The following SLC43A2 variants were observed in gnomAD, a reference collection of about 807,000 sequenced individuals.
The protein encoded by SLC43A2 is solute carrier family 43 member 2, also known as large neutral amino acids transporter small subunit 4.
In SLC43A2, 38 loss-of-function variants were observed where a neutral mutation model predicts 63.2. The ratio of observed to expected loss-of-function variants is 0.60; its 90% confidence interval spans 0.46 to 0.79. The LOEUF (loss-of-function observed/expected upper bound fraction) is 0.79. Among genes scored for constraint, SLC43A2 ranks in the 30% least tolerant of loss-of-function variants. The pLI is 0.00. For missense variants in SLC43A2, 644 were observed against 756.2 expected, an observed-to-expected ratio of 0.85 and a Z score of 1.74; for synonymous variants, 322 against 331.0, an observed-to-expected ratio of 0.97 and a Z score of 0.30.
rs1488346342 is a variant in SLC43A2 at position 1,618,992 on chromosome 17, A to C, written c.161-2223T>G. Among the ~76,000 whole-genome samples the C allele has an allele frequency of 2.7e-5, 4 of 147,442 alleles. No homozygotes were observed. The South Asian group carries it at 6.5e-4, about 24-fold the overall frequency. ...ATAGTTAGACTCTGTCTCAAAAAAAACAAAAAACAAACAAACAAACAAACA... is the reference window on the plus strand; with the variant it reads ...ATAGTTAGACTCTGTCTCAAAAAAACCAAAAAACAAACAAACAAACAAACA... On this transcript the variant is annotated intron_variant, in intron 2 of 13. Transcript: ENST00000301335.
At chr17:1,620,071 A>T (rs1333212230) in intron 2 of SLC43A2, among the ~76,000 whole-genome samples, 1 of 152,126 alleles carries the variant, frequency 6.6e-6, no homozygotes, top group African/African-American at 2.4e-5. Flanking sequence ...GAAGATAAAA[A>T]TCCCAAGGCT....
chr17:1,570,040 A>G lies in SLC43A2; in HGVS notation c.*5564T>C, dbSNP rs906809897. On this transcript the variant is annotated 3_prime_UTR_variant, in exon 14 of 14. Coordinates refer to ENST00000301335, the MANE Select transcript of SLC43A2 (RefSeq NM_152346.3). ...GTAGCTGGGACTACAGGTACCCACC[A>G]CCACGCCCAGCTAATTTTTTTTTTT... is the stretch of plus-strand genomic sequence containing the variant. 2.1e-5 allele frequency: 3 copies of G among 145,932 alleles called. No individual in the cohort carries two copies. Among genetic ancestry groups the G allele is most frequent in the African/African-American group, 7.7e-5 (3 of 39,012 alleles). The allele number at this position is 145,932 out of a possible 1,614,324, so 9.0% of individuals were successfully genotyped here. A position where few individuals can be genotyped will look rare whatever the true frequency, so the allele number is the denominator to read the frequency against.
At chr17:1,615,666 AC>A (rs1270147441) in intron 3 of SLC43A2, among the ~76,000 whole-genome samples, 4 of 148,698 alleles carry the variant, frequency 2.7e-5, no homozygotes, top group Non-Finnish European at 4.5e-5. Context: ...ACACAGTGAA[AC>A]CCCGTCTCTA....
chr17:1,614,257 A>C (rs981615996), intron 4 of SLC43A2, among the ~76,000 whole-genome samples: 4 of 151,880 alleles, frequency 2.6e-5, no homozygotes, highest in African/African-American at 7.3e-5. Flanking sequence ...ACAACAACAA[A>C]AAAATTAGCT....
rs1159291361 is a variant in SLC43A2, at chr17:1,570,230, A to G, written c.*5374T>C. 2.0e-5 allele frequency: 3 copies of G among 151,804 alleles called. No homozygotes were observed. The highest frequency in any genetic ancestry group is 1.3e-4 in the Admixed American group (2 of 15,238). 9.4% of individuals were successfully genotyped at this position (151,804 alleles called of 1,614,324 possible). A position where few individuals can be genotyped will look rare whatever the true frequency, so the allele number is the denominator to read the frequency against. The stretch of plus-strand genomic sequence containing the variant: ...TTTTTAGTAGAGTTGAGGTTTCACC[A>G]TGTTGGTCAGGCTGGTCTCAAACCC... On this transcript the variant is annotated 3_prime_UTR_variant, in exon 14 of 14. Coordinates refer to ENST00000301335, the MANE Select transcript of SLC43A2 (RefSeq NM_152346.3).
chr17:1,618,471 T>C (rs567657516), intron 2 of SLC43A2, among the ~76,000 whole-genome samples: 41 of 152,332 alleles, frequency 2.7e-4, no homozygotes, highest in African/African-American at 9.9e-4. Context: ...TTGCTGCTAT[T>C]GGAGGCTCCG....
chr17:1,615,991 C>T (rs1212942218), intron 3 of SLC43A2, among the ~76,000 whole-genome samples: 2 of 147,146 alleles, frequency 1.4e-5, no homozygotes, highest in African/African-American at 2.5e-5. Flanking sequence ...TGCCGTGAGC[C>T]GAGATCACGC....
chr17:1,627,888 GCGGCTCCGGCTC>G lies in SLC43A2; in HGVS notation c.-26_-15del, dbSNP rs751433439. On this transcript the variant is annotated 5_prime_UTR_variant, in exon 2 of 14. Transcript: ENST00000301335. ...GGTGGGCGCCATGGTGCGGCGCGGC[GCGGCTCCGGCTC>G]CGGCTCCGGCTCTGCACCACCTGCG... is the stretch of plus-strand genomic sequence containing the variant. 18 of 1,546,894 alleles carry G rather than the reference GCGGCTCCGGCTC, an allele frequency of 1.2e-5. No homozygotes were observed. Among genetic ancestry groups the G allele is most frequent in the Admixed American group, 9.9e-5 (5 of 50,606 alleles).
At chr17:1,613,347 G>A (rs1434302677) in intron 4 of SLC43A2, 76 bp from the exon 5 acceptor site, 1 of 1,345,974 alleles carries the variant, frequency 7.4e-7, no homozygotes, top group African/African-American at 1.4e-5. Context: ...CCAGAGTCCT[G>A]CGCGGTGCAG....
chr17:1,586,935 C>CCCCCCCCCCA, intron 9 of SLC43A2: 3 of 1,509,128 alleles, frequency 2.0e-6, no homozygotes, highest in Non-Finnish European at 2.7e-6. Context: ...CAATCCCCCC[C>CCCCCCCCCCA]ACCCCCCGCT....
intron 1 of SLC43A2, among the ~76,000 whole-genome samples, 182 bp downstream of exon 1, chr17:1,628,612 A>G (rs1436211226): frequency 6.6e-6 from 1 of 152,028 alleles, no homozygotes; most frequent in Non-Finnish European, 1.5e-5. Context: ...GCCCGTTTCC[A>G]TGGCCTCGGA....
At chr17:1,604,875 G>A (rs974909606) in intron 5 of SLC43A2, 39 of 1,535,248 alleles carry the variant, frequency 2.5e-5, no homozygotes, top group South Asian at 1.1e-4. Context: ...CGCTCACTCC[G>A]TCCCCAGCTT....
intron 5 of SLC43A2, among the ~76,000 whole-genome samples, chr17:1,594,802 A>C (rs983294091): frequency 4.0e-5 from 6 of 151,408 alleles, no homozygotes; most frequent in South Asian, 2.1e-4. Flanking sequence ...GTTAGCCAGG[A>C]TGGTCTGGAT....
Position 1,583,146 on chromosome 17 carries a change from T to C in SLC43A2, c.1350+58A>G, listed in dbSNP as rs1381454857. 17 of 1,572,778 alleles carry C rather than the reference T, an allele frequency of 1.1e-5. No individual in the cohort carries two copies. Among genetic ancestry groups the C allele is most frequent in the Non-Finnish European group, 6.1e-6 (7 of 1,145,616 alleles). On this transcript the variant is annotated intron_variant, in intron 11 of 13. Transcript: ENST00000301335. This position sits in a 1 kb window ranked among gnomAD's most constrained non-coding sequence, Gnocchi z 5.5. ...GAAACATTACACACTTTTGAGTCTT[T>C]ACATGTTCCTTCTGACTGCCCCACC...
chr17:1,619,352 A>G (rs1907951970), intron 2 of SLC43A2, among the ~76,000 whole-genome samples: 1 of 152,054 alleles, frequency 6.6e-6, no homozygotes, highest in African/African-American at 2.4e-5. Flanking sequence ...CCAGATCACA[A>G]TGGCCAAAAA....
In SLC43A2 at chr17:1,606,854, C is replaced by T. The variant is rs969425831; in HGVS notation, c.501+6341G>A. Reference sequence around the variant, plus strand: ...AGGGCCCTGGGAGAGCCAGCACTGGCTACTGGGCAGCCTACCTGACGCGAC... The same window carrying T: ...AGGGCCCTGGGAGAGCCAGCACTGGTTACTGGGCAGCCTACCTGACGCGAC... On this transcript the variant is annotated intron_variant, in intron 5 of 13. Transcript: ENST00000301335. This position sits in a 1 kb window ranked among gnomAD's most constrained non-coding sequence, Gnocchi z 4.7. Among the ~76,000 whole-genome samples, 3 of 152,368 alleles carry T rather than the reference C, an allele frequency of 2.0e-5. No homozygotes were observed. The highest frequency in any genetic ancestry group is 2.1e-4 in the South Asian group (1 of 4,832).
intron 9 of SLC43A2, chr17:1,586,929 C>CGGG: frequency 1.5e-6 from 1 of 657,348 alleles, no homozygotes; most frequent in Non-Finnish European, 2.5e-6. Context: ...CCCTGACAAT[C>CGGG]CCCCCCACCC....
rs139709608 is a variant in SLC43A2, at chr17:1,601,585, C to T, written c.502-8306G>A. ...GCACCGCCCTCCCAAAGGTCCAAAA[C>T]GATGCAAAGGCGCTACTGAGCCAGA... is the stretch of plus-strand genomic sequence containing the variant. On this transcript the variant is annotated intron_variant, in intron 5 of 13. Transcript: ENST00000301335. 1.3e-3 allele frequency among the ~76,000 whole-genome samples: 203 copies of T among 151,082 alleles called. 4 individuals are homozygous for T. The highest frequency in any genetic ancestry group is 7.6e-3 in the South Asian group (36 of 4,752).
intron 5 of SLC43A2, among the ~76,000 whole-genome samples, chr17:1,612,588 T>C (rs1907222260): frequency 1.3e-5 from 2 of 152,168 alleles, no homozygotes; most frequent in South Asian, 4.1e-4. Flanking sequence ...GAAAAGAAAG[T>C]GGGCGGCAGC....
Sources: allele counts gnomAD v4.1 joint callset (sites outside exome capture counted in the v4.1 genomes callset), GRCh38; gene constraint gnomAD v4.1.1; non-coding constraint Gnocchi (gnomAD v3.1); transcripts MANE v1.5; gene names NCBI Gene and HGNC (gene_info 2026-07-23, HGNC 2026-07-21).